Variants in KCNN2 observed in about 807,000 individuals in gnomAD.
The protein encoded by KCNN2 is potassium calcium-activated channel subfamily N member 2.
Under a neutral mutation model 55.5 loss-of-function variants are expected in KCNN2, and 24 were observed. That is an observed-to-expected ratio of 0.43 (90% CI 0.31 to 0.61). KCNN2 has a LOEUF of 0.61. Ranked by LOEUF, KCNN2 falls within the 20% of genes least tolerant of loss-of-function variation. KCNN2 has a pLI of 0.08. For synonymous variants in KCNN2, 431 were observed against 336.1 expected, an observed-to-expected ratio of 1.28 and a Z score of -3.09; for missense variants, 754 against 853.6, an observed-to-expected ratio of 0.88 and a Z score of 1.45.
At chr5:114,075,117 T>G (rs1750659446) in intron 1 of KCNN2, among the ~76,000 whole-genome samples, 1 of 152,238 alleles carries the variant, frequency 6.6e-6, no homozygotes, top group Admixed American at 6.5e-5. Flanking sequence ...TGAATGAATC[T>G]GGCATAAAGC....
intron 2 of KCNN2, among the ~76,000 whole-genome samples, chr5:114,250,618 T>C (rs1754838771): frequency 6.6e-6 from 1 of 152,172 alleles, no homozygotes; most frequent in African/African-American, 2.4e-5. Context: ...AAAAATGGCA[T>C]TCAGGAGATA....
chr5:114,292,061 G>T (rs1298153948), intron 2 of KCNN2, among the ~76,000 whole-genome samples: 1 of 152,142 alleles, frequency 6.6e-6, no homozygotes, highest in East Asian at 1.9e-4. Flanking sequence ...TTGTAAATTT[G>T]TTGGAGTTCA....
At chr5:114,491,533 GAA>G (rs1289351712) in intron 6 of KCNN2, among the ~76,000 whole-genome samples, 14 of 91,742 alleles carry the variant, frequency 1.5e-4, no homozygotes, top group Admixed American at 6.4e-4. Flanking sequence ...TTTAAAAAAA[GAA>G]AAAAAAAAAA....
chr5:114,239,699 C>T (rs976312521), intron 2 of KCNN2, among the ~76,000 whole-genome samples: 1 of 152,116 alleles, frequency 6.6e-6, no homozygotes, highest in Admixed American at 6.5e-5. Flanking sequence ...TGGTTCTTTG[C>T]AGTGTGAGCT....
At chr5:114,300,481 C>T (rs987454732) in intron 2 of KCNN2, among the ~76,000 whole-genome samples, 1 of 152,038 alleles carries the variant, frequency 6.6e-6, no homozygotes, top group Non-Finnish European at 1.5e-5. Flanking sequence ...ATGATGCAGA[C>T]ATTAAACACT....
intron 3 of KCNN2, among the ~76,000 whole-genome samples, chr5:114,419,354 G>T (rs1759404363): frequency 6.6e-6 from 1 of 152,210 alleles, no homozygotes. Flanking sequence ...CTAGCCTTAT[G>T]CTGAACAAGT....
chr5:114,389,844 T>C (rs1758404832), intron 2 of KCNN2, among the ~76,000 whole-genome samples: 1 of 152,148 alleles, frequency 6.6e-6, no homozygotes, highest in Non-Finnish European at 1.5e-5. Flanking sequence ...GAAATCATAA[T>C]GTAAATTAGT....
At chr5:114,361,611 A>G (rs1299304784), upstream of KCNN2, among the ~76,000 whole-genome samples, 1 of 150,188 alleles carries the variant, frequency 6.7e-6, no homozygotes, top group Non-Finnish European at 1.5e-5. Context: ...GTGCAGTCGG[A>G]GAAGTGGTCG....
At chr5:114,074,282 G>A (rs1387706864) in intron 1 of KCNN2, among the ~76,000 whole-genome samples, 1 of 145,590 alleles carries the variant, frequency 6.9e-6, no homozygotes, top group Admixed American at 6.9e-5. Flanking sequence ...GAATTTTAAA[G>A]GCCATGTTTG....
In KCNN2 at chr5:114,484,534, CT is replaced by C. The variant is rs1762367192; in HGVS notation, c.1891-2512del. ...TTCCTGGAAGTTTACATATCACTTT[CT>C]TTTGCCAACTCCCCATTGTTCAAAT... On this transcript the variant is annotated intron_variant, in intron 5 of 7. Transcript: ENST00000673685. Among the ~76,000 whole-genome samples, 4 of 152,158 alleles carry C rather than the reference CT, an allele frequency of 2.6e-5. No individual in the cohort carries two copies. In the South Asian group the frequency reaches 8.3e-4, roughly 32 times the overall value.
At chr5:114,487,997 GTC>G (rs1275087972) in intron 6 of KCNN2, among the ~76,000 whole-genome samples, 1 of 152,148 alleles carries the variant, frequency 6.6e-6, no homozygotes, top group Non-Finnish European at 1.5e-5. Context: ...AATGAGATTT[GTC>G]TCTCAGAGCC....
rs183143034 is a variant in KCNN2, at chr5:114,344,815, A to G, written c.-184-16130A>G. On this transcript the variant is annotated intron_variant, in intron 2 of 10. Coordinates refer to the KCNN2 transcript ENST00000512097. ...CAACACATGAAGAAACTCAGATTAT[A>G]AACTGCCACGGAAAAATTACAGCCC... Among the ~76,000 whole-genome samples, 275 of 152,350 alleles carry G rather than the reference A, an allele frequency of 1.8e-3. 1 individual carries two copies. Among genetic ancestry groups the G allele is most frequent in the African/African-American group, 6.1e-3 (253 of 41,590 alleles).
intron 2 of KCNN2, among the ~76,000 whole-genome samples, chr5:114,306,687 ATTTTTT>A (rs377020234): frequency 0.027 from 197 of 7,280 alleles, no homozygotes; most frequent in Middle Eastern, 0.062. Flanking sequence ...TCACACTTAA[ATTTTTT>A]TTTTTTCTTT....
chr5:114,433,534 A>T (rs1759878299), intron 3 of KCNN2: 1 of 152,376 alleles, frequency 6.6e-6, no homozygotes, highest in African/African-American at 2.4e-5. Flanking sequence ...GGTCCTCTTC[A>T]ACACTGTGGA....
rs370180797 is a variant in KCNN2 at position 114,342,716 on chromosome 5, G to T, written c.-184-18229G>T. 5.3e-5 allele frequency among the ~76,000 whole-genome samples: 8 copies of T among 152,236 alleles called. No homozygotes were observed. The South Asian group carries it at 1.7e-3, about 32-fold the overall frequency. ...ATTATAAGTATATTCTTTCTTAACA[G>T]ACTGTGGTATACATAATTTAGTTTT... On this transcript the variant is annotated intron_variant, in intron 2 of 10. Coordinates refer to the KCNN2 transcript ENST00000512097.
At chr5:114,322,107 A>C (rs1756626000) in intron 2 of KCNN2, among the ~76,000 whole-genome samples, 1 of 152,198 alleles carries the variant, frequency 6.6e-6, no homozygotes, top group African/African-American at 2.4e-5. Flanking sequence ...TAAAACTCAC[A>C]ATTAAGCTGC....
chr5:114,123,351 ATTTT>A (rs1172994171), intron 1 of KCNN2, among the ~76,000 whole-genome samples: 2 of 65,016 alleles, frequency 3.1e-5, no homozygotes, highest in African/African-American at 1.5e-4. Context: ...CATTTTCTTA[ATTTT>A]TTTTTTTTTT....
chr5:114,443,096 G>T (rs991887008), intron 3 of KCNN2, among the ~76,000 whole-genome samples: 2 of 152,076 alleles, frequency 1.3e-5, no homozygotes, highest in Non-Finnish European at 2.9e-5. Context: ...TTTGAGACCA[G>T]CCTGACCAAC....
intron 3 of KCNN2, among the ~76,000 whole-genome samples, chr5:114,432,385 C>A (rs1017283895): frequency 6.6e-6 from 1 of 152,234 alleles, no homozygotes; most frequent in South Asian, 2.1e-4. Flanking sequence ...ATTAATATAG[C>A]TACTCCAACT....
Sources: allele counts gnomAD v4.1 joint callset (sites outside exome capture counted in the v4.1 genomes callset), GRCh38; gene constraint gnomAD v4.1.1; transcripts MANE v1.5; gene names NCBI Gene and HGNC (gene_info 2026-07-23, HGNC 2026-07-21).